SDK1: variants seen among roughly 807,000 people sequenced by gnomAD.
SDK1 encodes the protein protein sidekick-1.
Under a neutral mutation model 245.5 loss-of-function variants are expected in SDK1, and 157 were observed. The ratio of observed to expected loss-of-function variants is 0.64; its 90% CI spans 0.56 to 0.73. The LOEUF (loss-of-function observed/expected upper bound fraction) is 0.73, where lower values mean the gene tolerates loss of function less well. Ranked by LOEUF, SDK1 falls within the 30% of genes least tolerant of loss-of-function variation. The pLI, the probability that SDK1 is intolerant of heterozygous loss-of-function variation, is 0.00. For missense variants in SDK1, 3,583 were observed against 3,002.3 expected, an observed-to-expected ratio of 1.19 and a Z score of -4.52; for synonymous variants, 1,647 against 1,278.5, an observed-to-expected ratio of 1.29 and a Z score of -6.15.
intron 5 of SDK1, among the ~76,000 whole-genome samples, chr7:3,863,735 G>C (rs898615166): frequency 2.3e-4 from 35 of 152,124 alleles, no homozygotes; most frequent in African/African-American, 8.5e-4. Flanking sequence ...ATGTCTTCAG[G>C]GTTCATCCAT....
At chr7:4,081,519 A>G (rs1781055364) in intron 22 of SDK1, among the ~76,000 whole-genome samples, 1 of 123,786 alleles carries the variant, frequency 8.1e-6, no homozygotes, top group East Asian at 2.0e-4. Flanking sequence ...TCCCAGGTTC[A>G]AGTGATTCCC....
At chr7:3,497,433 C>T (rs1425591357) in intron 1 of SDK1, among the ~76,000 whole-genome samples, 1 of 152,186 alleles carries the variant, frequency 6.6e-6, no homozygotes, top group African/African-American at 2.4e-5. Flanking sequence ...CTGCAGACAT[C>T]ATTGCGTCTT....
intron 1 of SDK1, among the ~76,000 whole-genome samples, chr7:3,441,288 T>C (rs1780189015): frequency 6.6e-6 from 1 of 152,164 alleles, no homozygotes; most frequent in South Asian, 2.1e-4. Context: ...GGTTCAGTAC[T>C]ATCTGGTTTC....
At chr7:4,130,312 T>A in intron 27 of SDK1, 1 of 584,884 alleles carries the variant, frequency 1.7e-6, no homozygotes, top group Non-Finnish European at 3.0e-6. Flanking sequence ...TATGAACCTG[T>A]ACTGAGTTTC....
intron 32 of SDK1, among the ~76,000 whole-genome samples, chr7:4,165,553 G>C (rs758580494): frequency 2.0e-5 from 3 of 150,958 alleles, no homozygotes; most frequent in Non-Finnish European, 4.4e-5. Context: ...GCAGTGGTAC[G>C]ATCTCGGCTC....
intron 5 of SDK1, among the ~76,000 whole-genome samples, chr7:3,825,350 G>A (rs1327516000): frequency 2.1e-5 from 3 of 144,334 alleles, no homozygotes; most frequent in Non-Finnish European, 4.5e-5. Flanking sequence ...AGCCACAGGC[G>A]ATGAGACGAA....
chr7:3,897,615 T>A (rs1339886105), intron 5 of SDK1, among the ~76,000 whole-genome samples: 1 of 152,238 alleles, frequency 6.6e-6, no homozygotes. Context: ...ACACTTGGGC[T>A]GCTCCCCCTT....
At chr7:3,486,987 C>CT (rs1040251128) in intron 1 of SDK1, among the ~76,000 whole-genome samples, 2 of 152,162 alleles carry the variant, frequency 1.3e-5, no homozygotes, top group African/African-American at 4.8e-5. Flanking sequence ...TTTTTATGGT[C>CT]TGGAACAGAG....
intron 5 of SDK1, among the ~76,000 whole-genome samples, chr7:3,874,797 G>T (rs753393127): frequency 6.6e-6 from 1 of 152,180 alleles, no homozygotes; most frequent in South Asian, 2.1e-4. Context: ...GTGCCTTAAA[G>T]CTTTAGTTTT....
chr7:3,815,924 A>G (rs1003555271), intron 4 of SDK1, among the ~76,000 whole-genome samples: 5 of 144,642 alleles, frequency 3.5e-5, no homozygotes, highest in African/African-American at 1.4e-4. Flanking sequence ...TCAAACTAGA[A>G]CTCAAGATTA....
intron 4 of SDK1, among the ~76,000 whole-genome samples, chr7:3,710,033 GA>G (rs1044621386): frequency 6.6e-5 from 10 of 151,822 alleles, no homozygotes; most frequent in Non-Finnish European, 7.4e-5. Context: ...GACTATAAAG[GA>G]AAAAAAATCA....
rs576312310 is a variant in SDK1, at chr7:4,252,070, A to G, written c.6381+6265A>G. Among the ~76,000 whole-genome samples the G allele has an allele frequency of 2.5e-3, 380 of 151,904 alleles. 1 individual carries two copies. The highest frequency in any genetic ancestry group is 8.9e-3 in the African/African-American group (367 of 41,448). On this transcript the variant is annotated intron_variant, in intron 44 of 44. Transcript: ENST00000404826. ...GTGTATAATCCTTTCTCTTTTTTTT[A>G]TTATACGTTAAGTTTTAGGGTACAT...
At chr7:4,171,707 C>A (rs549198980) in intron 32 of SDK1, among the ~76,000 whole-genome samples, 71 of 152,314 alleles carry the variant, frequency 4.7e-4, no homozygotes, top group Middle Eastern at 6.8e-3. Context: ...GAAAAAAAGT[C>A]CCTCCCAGAT....
In SDK1 at chr7:4,087,910, T is replaced by A. The variant is rs558133789; in HGVS notation, c.3324+8326T>A. Among the ~76,000 whole-genome samples the A allele has an allele frequency of 5.4e-4, 82 of 152,342 alleles. 1 individual carries two copies. The highest frequency in any genetic ancestry group is 1.9e-3 in the African/African-American group (81 of 41,570). Reference sequence around the variant, plus strand: ...CACGTATGGCTATTTTAAATGATATTTTCTGCCTGTGTTGTTTGCATAGGG... The same window carrying A: ...CACGTATGGCTATTTTAAATGATATATTCTGCCTGTGTTGTTTGCATAGGG... On this transcript the variant is annotated intron_variant, in intron 22 of 44. Coordinates refer to ENST00000404826, the MANE Select transcript of SDK1 (RefSeq NM_152744.4).
chr7:3,710,235 G>T (rs1169126582), intron 4 of SDK1, among the ~76,000 whole-genome samples: 1 of 152,110 alleles, frequency 6.6e-6, no homozygotes, highest in Admixed American at 6.5e-5. Flanking sequence ...TGTACATTTT[G>T]TTTTCTTGCC....
chr7:3,601,130 TTTG>T (rs1374671691), intron 1 of SDK1, among the ~76,000 whole-genome samples: 1 of 152,198 alleles, frequency 6.6e-6, no homozygotes, highest in Non-Finnish European at 1.5e-5. Flanking sequence ...TTGCTAATAT[TTTG>T]TTGAAGATTT....
At chr7:3,915,044 C>A (rs1214563682) in intron 5 of SDK1, among the ~76,000 whole-genome samples, 1 of 152,166 alleles carries the variant, frequency 6.6e-6, no homozygotes, top group African/African-American at 2.4e-5. Flanking sequence ...CCGGAAATCC[C>A]ACAACTGTTG....
At chr7:3,349,473 C>T (rs868643786) in intron 1 of SDK1, among the ~76,000 whole-genome samples, 58 of 152,250 alleles carry the variant, frequency 3.8e-4, no homozygotes, top group African/African-American at 1.2e-3. Flanking sequence ...ACACAGTGTC[C>T]ATGAAGGAGC....
chr7:4,240,261 C>G (rs1464464963), intron 42 of SDK1, among the ~76,000 whole-genome samples: 5 of 152,090 alleles, frequency 3.3e-5, no homozygotes, highest in African/African-American at 1.2e-4. Context: ...TCAGCCGCAC[C>G]CTGGAGTGTT....
Sources: gnomAD v4.1 joint callset for allele counts (sites outside exome capture counted in the v4.1 genomes callset) on GRCh38, gnomAD v4.1.1 for gene constraint, MANE v1.5 for transcripts, NCBI Gene and HGNC (gene_info 2026-07-23, HGNC 2026-07-21) for gene names.